The following PALLD variants were observed in gnomAD, a reference collection of about 807,000 sequenced individuals.
PALLD encodes palladin.
A neutral mutation model predicts 123.5 loss-of-function variants in PALLD; 61 were observed. The observed-to-expected ratio is 0.49, with a 90% CI of 0.40 to 0.61. The LOEUF (loss-of-function observed/expected upper bound fraction) is 0.61, where lower values mean the gene tolerates loss of function less well. Among genes scored for constraint, PALLD ranks in the 20% least tolerant of loss-of-function variants. PALLD has a pLI of 0.00. For missense variants in PALLD, 1,273 were observed against 1,377.0 expected (o/e 0.92, Z 1.20); for synonymous variants, 465 against 496.4 (o/e 0.94, Z 0.84).
At chr4:168,799,604 G>A (rs185089229) in intron 10 of PALLD, among the ~76,000 whole-genome samples, 4 of 152,316 alleles carry the variant, frequency 2.6e-5, no homozygotes, top group Non-Finnish European at 5.9e-5. Flanking sequence ...GTTGTGGATT[G>A]CAATAATTCC....
chr4:168,890,928 T>C lies in PALLD; in HGVS notation c.1971T>C (p.Phe657=). The part of the protein sequence containing the change: ...PPLLAKPKLG[F]PKKASRTARI... ...TTGTGTTTTTATCCTGCAGAGGATTTCCAAAGAAGGCCAGTAGAACTGCTA... is the reference window on the plus strand; with the variant it reads ...TTGTGTTTTTATCCTGCAGAGGATTCCCAAAGAAGGCCAGTAGAACTGCTA... Residue 657 remains phenylalanine (F), a synonymous_variant, in exon 11 of 22, where the codon TTT becomes TTC. Coordinates refer to ENST00000505667, the MANE Select transcript of PALLD (RefSeq NM_001166108.2). The C allele has an allele frequency of 6.2e-7, 1 of 1,614,118 alleles. No homozygotes were observed.
intron 11 of PALLD, chr4:168,894,369 G>A (rs1398780070): frequency 1.4e-5 from 8 of 579,936 alleles, no homozygotes; most frequent in Non-Finnish European, 1.8e-5. Flanking sequence ...CCAATTGGTG[G>A]CTCTCTGGAT....
rs62333891 is a variant in PALLD, at chr4:168,685,498, C to A, written c.1274C>A (p.Thr425Asn). 145,248 of 1,607,132 alleles carry A rather than the reference C, an allele frequency of 0.09. 8,330 individuals carry two copies. The highest frequency in any genetic ancestry group is 0.24 in the Admixed American group (14,221 of 60,000). The change falls in exon 6 of 22, where the codon ACT (threonine) becomes AAT (asparagine). Residue 425 changes from threonine to asparagine, a missense_variant. Physicochemically the swap from Thr to Asn is moderately conservative, Grantham distance 65 (BLOSUM62 0). This residue lies in a region of PALLD where 944 missense variants were observed against 954.5 expected (regional missense o/e 0.99). Coordinates refer to ENST00000505667, the MANE Select transcript of PALLD (RefSeq NM_001166108.2). Reference sequence around the variant, plus strand: ...CTGCTTTTGCAGGTTCACAGTCCAACTTCATATCTCTGCCGACCTGATGGA... The same window carrying A: ...CTGCTTTTGCAGGTTCACAGTCCAAATTCATATCTCTGCCGACCTGATGGA... ...SVPVQQVHSP[T>N]SYLCRPDGTT...
chr4:168,639,064 A>G (rs898228668), intron 2 of PALLD, among the ~76,000 whole-genome samples: 4 of 152,164 alleles, frequency 2.6e-5, no homozygotes, highest in Non-Finnish European at 5.9e-5. Flanking sequence ...CCAGCCCATG[A>G]CATTAGCCCA....
chr4:168,783,058 G>GTA, intron 10 of PALLD, among the ~76,000 whole-genome samples: 1 of 136,568 alleles, frequency 7.3e-6, no homozygotes, highest in African/African-American at 2.7e-5. Context: ...GTGTGTGTGT[G>GTA]TGTGTGTGTG....
intron 10 of PALLD, among the ~76,000 whole-genome samples, chr4:168,788,407 A>G (rs917125387): frequency 6.6e-6 from 1 of 152,208 alleles, no homozygotes; most frequent in Non-Finnish European, 1.5e-5. Context: ...TAACCATATG[A>G]CATTCTGGAA....
intron 2 of PALLD, among the ~76,000 whole-genome samples, chr4:168,653,255 A>G (rs1778227154): frequency 6.6e-6 from 1 of 152,170 alleles, no homozygotes; most frequent in Admixed American, 6.5e-5. Context: ...TTTACGTCCA[A>G]TTTCAAACAA....
At chr4:168,576,309 T>C (rs557896699) in intron 2 of PALLD, among the ~76,000 whole-genome samples, 2 of 152,196 alleles carry the variant, frequency 1.3e-5, no homozygotes, top group Admixed American at 6.6e-5. Flanking sequence ...CATATGTACA[T>C]GTGCCATGTT....
intron 10 of PALLD, among the ~76,000 whole-genome samples, chr4:168,855,621 G>A (rs532392032): frequency 3.3e-5 from 5 of 152,280 alleles, no homozygotes; most frequent in South Asian, 2.1e-4. Flanking sequence ...GGATGGCTAC[G>A]TGTTCCCTTT....
At chr4:168,732,981 G>A (rs1218135041) in intron 10 of PALLD, among the ~76,000 whole-genome samples, 5 of 152,160 alleles carry the variant, frequency 3.3e-5, no homozygotes, top group Non-Finnish European at 5.9e-5. Context: ...GATAATACAC[G>A]TAAGCTAGAA....
intron 10 of PALLD, chr4:168,712,367 G>A (rs1784914695): frequency 4.3e-6 from 1 of 230,586 alleles, no homozygotes; most frequent in Non-Finnish European, 8.7e-6. Flanking sequence ...AAAAACTGAG[G>A]CTGGAAATTC....
chr4:168,690,856 G>A, intron 7 of PALLD, 112 bp downstream of exon 7: 1 of 1,115,470 alleles, frequency 9.0e-7, no homozygotes, highest in African/African-American at 1.5e-5. Context: ...TTCAAAGAGT[G>A]GCAGGATCAG....
rs142135032 is a variant in PALLD at position 168,820,102 on chromosome 4, T to G, written c.1965-70820T>G. Among the ~76,000 whole-genome samples the G allele has an allele frequency of 1.9e-3, 294 of 152,356 alleles. 1 individual carries two copies. The highest frequency in any genetic ancestry group is 0.01 in the Middle Eastern group (3 of 294). On this transcript the variant is annotated intron_variant, in intron 10 of 21. Coordinates refer to ENST00000505667, the MANE Select transcript of PALLD (RefSeq NM_001166108.2). ...AGAGTTTGAAGGAGCTCTAGACAAT[T>G]TATAGTCTTGTCTTAGGCAAGGTGA...
chr4:168,772,209 G>T (rs1009578105), intron 10 of PALLD, among the ~76,000 whole-genome samples: 2 of 152,184 alleles, frequency 1.3e-5, no homozygotes, highest in Non-Finnish European at 2.9e-5. Flanking sequence ...GAGGGAGCAA[G>T]TGACAGCTAG....
At chr4:168,807,558 C>T (rs373148657) in intron 10 of PALLD, among the ~76,000 whole-genome samples, 8 of 152,010 alleles carry the variant, frequency 5.3e-5, no homozygotes, top group Middle Eastern at 3.2e-3. Context: ...TACAGGCAAG[C>T]GCCACCATGC....
In PALLD at chr4:168,874,087, AT is replaced by A. The variant is rs1425495278; in HGVS notation, c.1965-16831del. ...TTGTAAAGTAACCAGAATTGATTTG[AT>A]TTTATTCTGCTATGAAAGATAATTT... On this transcript the variant is annotated intron_variant, in intron 10 of 21. Coordinates refer to ENST00000505667, the MANE Select transcript of PALLD (RefSeq NM_001166108.2). Among the ~76,000 whole-genome samples the A allele has an allele frequency of 5.6e-4, 86 of 152,320 alleles. 1 individual carries two copies. Among genetic ancestry groups the A allele is most frequent in the African/African-American group, 2.0e-3 (85 of 41,570 alleles).
intron 6 of PALLD, among the ~76,000 whole-genome samples, chr4:168,688,019 C>T (rs565350233): frequency 6.6e-6 from 1 of 152,356 alleles, no homozygotes; most frequent in East Asian, 1.9e-4. Context: ...CATCTCTCTT[C>T]TGCAGGGCTG....
At chr4:168,542,938 C>G (rs943015030) in intron 2 of PALLD, among the ~76,000 whole-genome samples, 3 of 151,654 alleles carry the variant, frequency 2.0e-5, no homozygotes, top group Non-Finnish European at 4.4e-5. Flanking sequence ...CTGGATTCAC[C>G]TGGCTCCTCA....
chr4:168,582,530 T>G lies in PALLD; in HGVS notation c.908+70118T>G, dbSNP rs181407852. ...AATTTCTGATCTTAGAGGAAAAGCT[T>G]TCATTTCTTCGCTGTTTATGATGTT... On this transcript the variant is annotated intron_variant, in intron 2 of 21. Transcript: ENST00000505667. Among the ~76,000 whole-genome samples the G allele has an allele frequency of 7.2e-5, 11 of 152,226 alleles. No individual in the cohort carries two copies. In the East Asian group the frequency reaches 1.5e-3, roughly 21 times the overall value.
Sources: gnomAD v4.1 joint callset for allele counts (sites outside exome capture counted in the v4.1 genomes callset) on GRCh38, gnomAD v4.1.1 for gene constraint, gnomAD v4.1.1 regional missense constraint, MANE v1.5 for transcripts, NCBI Gene and HGNC (gene_info 2026-07-23, HGNC 2026-07-21) for gene names.